The following CEP170 variants were observed in gnomAD, a reference collection of about 807,000 sequenced individuals.
The protein encoded by CEP170 is centrosomal protein of 170 kDa.
In CEP170, 21 loss-of-function variants were observed where a neutral mutation model predicts 151.9. That is an observed-to-expected ratio of 0.14 (90% confidence interval 0.10 to 0.20). The LOEUF is 0.20. CEP170 is among the 10% of genes least tolerant of loss of function. The pLI, the probability that CEP170 is intolerant of heterozygous loss-of-function variation, is 1.00. For missense variants in CEP170, 964 were observed against 1,892.9 expected (o/e 0.51, Z 9.11); for synonymous variants, 356 against 648.8 (o/e 0.55, Z 6.86).
At chr1:243,136,503 TCA>T (rs746824289) in intron 16 of CEP170, among the ~76,000 whole-genome samples, 1 of 152,250 alleles carries the variant, frequency 6.6e-6, no homozygotes, top group Non-Finnish European at 1.5e-5. Context: ...CATTTTATCC[TCA>T]GTTTATCTTC....
At chr1:243,155,982 G>C (rs1373536992) in intron 14 of CEP170, among the ~76,000 whole-genome samples, 1 of 152,004 alleles carries the variant, frequency 6.6e-6, no homozygotes, top group Non-Finnish European at 1.5e-5. Context: ...AAAAGGGAGG[G>C]GGGGAGACAG....
chr1:243,216,848 G>A (rs539566857), intron 3 of CEP170, among the ~76,000 whole-genome samples: 66 of 152,248 alleles, frequency 4.3e-4, no homozygotes, highest in African/African-American at 1.6e-3. Flanking sequence ...TCTAACTTCA[G>A]GTTCATTTCC....
Position 243,210,148 on chromosome 1 carries a change from G to A in CEP170, c.274+1738C>T, listed in dbSNP as rs1024700456. Among the ~76,000 whole-genome samples the A allele has an allele frequency of 6.6e-5, 10 of 152,172 alleles. No homozygotes were observed. In the South Asian group the frequency reaches 1.0e-3, roughly 16 times the overall value. ...AGACAGACATATTATGAGCTGGTAC[G>A]TAAGAGAAAAATGTCTGTTTGCTGT... On this transcript the variant is annotated intron_variant, in intron 4 of 19. Coordinates refer to ENST00000366542, the MANE Select transcript of CEP170 (RefSeq NM_014812.3).
At chr1:243,234,228 C>T (rs758686896) in intron 1 of CEP170, among the ~76,000 whole-genome samples, 23 of 152,126 alleles carry the variant, frequency 1.5e-4, no homozygotes, top group Admixed American at 9.2e-4. Context: ...TTAGGACTAT[C>T]GTCTACACAG....
intron 7 of CEP170, among the ~76,000 whole-genome samples, chr1:243,198,143 G>A (rs2060785038): frequency 6.6e-6 from 1 of 152,028 alleles, no homozygotes; most frequent in Non-Finnish European, 1.5e-5. Context: ...ACTGAGCCCA[G>A]GTGCCTGTAC....
At chr1:243,173,634 G>C (rs2059016998) in intron 10 of CEP170, among the ~76,000 whole-genome samples, 1 of 151,246 alleles carries the variant, frequency 6.6e-6, no homozygotes, top group African/African-American at 2.4e-5. Context: ...TACTTGGGAG[G>C]CTGAGGCAAG....
intron 14 of CEP170, among the ~76,000 whole-genome samples, chr1:243,143,023 C>T (rs867676078): frequency 2.6e-5 from 4 of 152,000 alleles, no homozygotes; most frequent in Admixed American, 6.6e-5. Flanking sequence ...ATTAAACACA[C>T]AATAATAACA....
At chr1:243,193,413 GAAC>G (rs1284789537) in intron 7 of CEP170, among the ~76,000 whole-genome samples, 1 of 151,698 alleles carries the variant, frequency 6.6e-6, no homozygotes, top group Non-Finnish European at 1.5e-5. Flanking sequence ...TCAGGTGACA[GAAC>G]AACGTCAAGA....
chr1:243,129,450 T>C lies in CEP170; in HGVS notation c.4323A>G (p.Ile1441Met). The change falls in exon 18 of 20, where the codon ATA becomes ATG. Residue 1441 changes from isoleucine (I) to methionine (M), a missense_variant. By Grantham distance (10) the Ile-to-Met change is conservative (BLOSUM62 1). Coordinates refer to ENST00000366542, the MANE Select transcript of CEP170 (RefSeq NM_014812.3). The part of the protein sequence containing the change: ...SIDKTAGKIR[I>M]LFKDKDRNWD... ...AATTCCGATCTTTGTCTTTAAATAA[T>C]ATTCTATAAATCAAAAAACATAAGC... The C allele has an allele frequency of 1.3e-6, 2 of 1,500,444 alleles. No individual in the cohort carries two copies. Among genetic ancestry groups the C allele is most frequent in the African/African-American group, 1.4e-5 (1 of 71,218 alleles). 92.9% of individuals were successfully genotyped at this position (1,500,444 alleles called of 1,614,324 possible).
intron 1 of CEP170, among the ~76,000 whole-genome samples, chr1:243,226,715 C>T (rs2063327987): frequency 6.6e-6 from 1 of 152,176 alleles, no homozygotes; most frequent in Non-Finnish European, 1.5e-5. Context: ...TATGGCTAGG[C>T]ACAGTGGCTC....
intron 10 of CEP170, among the ~76,000 whole-genome samples, chr1:243,173,567 T>C (rs1478881474): frequency 6.6e-6 from 1 of 151,062 alleles, no homozygotes; most frequent in African/African-American, 2.4e-5. Context: ...GAAACCCCGT[T>C]TCTACTAAAA....
intron 11 of CEP170, among the ~76,000 whole-genome samples, chr1:243,171,082 G>C (rs2058809433): frequency 6.6e-6 from 1 of 152,210 alleles, no homozygotes; most frequent in Non-Finnish European, 1.5e-5. Flanking sequence ...TATAGCTTTT[G>C]CTTGGCAGGG....
chr1:243,221,923 C>A, intron 2 of CEP170, 110 bp from the exon 3 acceptor site: 1 of 905,792 alleles, frequency 1.1e-6, no homozygotes, highest in South Asian at 2.0e-5. Context: ...AGGGAAATAT[C>A]AAAGTAAGTG....
chr1:243,200,835 T>C lies in CEP170; in HGVS notation c.275A>G (p.Asp92Gly). The C allele has an allele frequency of 6.2e-7, 1 of 1,610,458 alleles. No individual in the cohort carries two copies. Among genetic ancestry groups the C allele is most frequent in the Non-Finnish European group, 8.5e-7 (1 of 1,178,716 alleles). Residue 92 changes from aspartate (D) to glycine (G), a missense_variant and splice_region_variant, in exon 5 of 20, where the codon GAT becomes GGT. Transcript: ENST00000366542. Reference sequence around the variant, plus strand: ...TTGTACTACAGTGAAAAGATTTGTATGTAAACGGGGCTAAGGAAGAATATA... The same window carrying C: ...TTGTACTACAGTGAAAAGATTTGTACGTAAACGGGGCTAAGGAAGAATATA... ...KLEDKLRFGY[D>G]TNLFTVVQGE...
At chr1:243,152,211 GA>G (rs2057147736) in intron 14 of CEP170, among the ~76,000 whole-genome samples, 1 of 151,938 alleles carries the variant, frequency 6.6e-6, no homozygotes, top group South Asian at 2.1e-4. Context: ...ATGGATCAAG[GA>G]GCCATTTTGA....
At chr1:243,152,625 G>A (rs569492741) in intron 14 of CEP170, among the ~76,000 whole-genome samples, 11 of 129,790 alleles carry the variant, frequency 8.5e-5, no homozygotes, top group African/African-American at 2.6e-4. Context: ...TCTGCCTCCC[G>A]GATTCAAACA....
At chr1:243,141,286 C>T (rs950945313) in intron 15 of CEP170, among the ~76,000 whole-genome samples, 1 of 152,168 alleles carries the variant, frequency 6.6e-6, no homozygotes, top group Non-Finnish European at 1.5e-5. Flanking sequence ...AAACCTCAGG[C>T]TTTGCAGCCA....
chr1:243,172,425 A>G (rs1393676026), intron 11 of CEP170, among the ~76,000 whole-genome samples: 1 of 152,230 alleles, frequency 6.6e-6, no homozygotes, highest in Non-Finnish European at 1.5e-5. Context: ...ACTTGAGGTC[A>G]GGAGTTCGAG....
chr1:243,184,022 G>A (rs1011171429), intron 10 of CEP170, among the ~76,000 whole-genome samples: 7 of 152,012 alleles, frequency 4.6e-5, no homozygotes, highest in Admixed American at 3.9e-4. Context: ...CTTCCATTGT[G>A]GTTTTATATT....
Sources: allele counts gnomAD v4.1 joint callset (sites outside exome capture counted in the v4.1 genomes callset), GRCh38; gene constraint gnomAD v4.1.1; transcripts MANE v1.5; gene names NCBI Gene and HGNC (gene_info 2026-07-23, HGNC 2026-07-21).